USP31: variants seen among roughly 807,000 people sequenced by gnomAD.
USP31 encodes ubiquitin carboxyl-terminal hydrolase 31.
A neutral mutation model predicts 119.4 loss-of-function variants in USP31; 44 were observed. That is an observed-to-expected ratio of 0.37 (90% CI 0.29 to 0.47). The LOEUF is 0.47. Ranked by LOEUF, USP31 falls within the 20% of genes least tolerant of loss-of-function variation. The pLI is 0.99. For missense variants in USP31, 1,643 were observed against 1,730.2 expected (o/e 0.95, Z 0.89); for synonymous variants, 749 against 705.6 (o/e 1.06, Z -0.97).
intron 1 of USP31, among the ~76,000 whole-genome samples, chr16:23,144,083 C>A (rs1370050663): frequency 1.3e-5 from 2 of 152,174 alleles, no homozygotes; most frequent in African/African-American, 2.4e-5. Flanking sequence ...TAACAACCAT[C>A]TAGCCCATCC....
Position 23,067,672 on chromosome 16 carries a change from C to T in USP31, c.*374G>A, listed in dbSNP as rs1046786775. On this transcript the variant is annotated 3_prime_UTR_variant, in exon 16 of 16. Coordinates refer to ENST00000219689, the MANE Select transcript of USP31 (RefSeq NM_020718.4). ...ACGAGTCAGCTCCTTCCTCCTTCTA[C>T]GCACTAATGGTAGCTTTTCTGGTTC... is the stretch of plus-strand genomic sequence containing the variant. 6.0e-5 allele frequency: 10 copies of T among 166,656 alleles called. No homozygotes were observed. The highest frequency in any genetic ancestry group is 1.2e-4 in the African/African-American group (5 of 41,674). The allele number at this position is 166,656 out of a possible 1,614,324, so 10.3% of individuals were successfully genotyped here.
chr16:23,128,117 C>A lies in USP31; in HGVS notation c.634-19934G>T, dbSNP rs571457029. On this transcript the variant is annotated intron_variant, in intron 1 of 15. Transcript: ENST00000219689. ...CCCCGAAGCCCTGTATTGGAATAATCAATGTGAATTCATGATTTAGCTTTA... is the reference window on the plus strand; with the variant it reads ...CCCCGAAGCCCTGTATTGGAATAATAAATGTGAATTCATGATTTAGCTTTA... 2.6e-5 allele frequency among the ~76,000 whole-genome samples: 4 copies of A among 152,276 alleles called. No individual in the cohort carries two copies. The South Asian group carries it at 6.2e-4, about 24-fold the overall frequency.
intron 1 of USP31, among the ~76,000 whole-genome samples, chr16:23,147,771 T>A (rs993556971): frequency 1.2e-4 from 19 of 152,220 alleles, no homozygotes; most frequent in African/African-American, 4.6e-4. Context: ...TCTACAAAAG[T>A]GTTTTAAAAA....
chr16:23,080,221 T>C (rs755263100), intron 12 of USP31, 50 bp from the exon 13 acceptor site: 1 of 1,474,652 alleles, frequency 6.8e-7, no homozygotes, highest in Non-Finnish European at 9.1e-7. Flanking sequence ...TGCAAGCAGA[T>C]GGCAGATCAC....
chr16:23,132,226 A>G (rs1232481255), intron 1 of USP31, among the ~76,000 whole-genome samples: 3 of 152,252 alleles, frequency 2.0e-5, no homozygotes, highest in Admixed American at 1.3e-4. Flanking sequence ...ATGAACAATT[A>G]ATTAGCAGAG....
At chr16:23,134,971 T>C (rs1370305283) in intron 1 of USP31, among the ~76,000 whole-genome samples, 1 of 151,766 alleles carries the variant, frequency 6.6e-6, no homozygotes, top group African/African-American at 2.4e-5. Context: ...CTTCAAAATC[T>C]AAATAGACAT....
intron 1 of USP31, among the ~76,000 whole-genome samples, chr16:23,110,604 G>A (rs145172005): frequency 4.0e-3 from 610 of 152,266 alleles, no homozygotes; most frequent in Non-Finnish European, 6.3e-3. Context: ...ACAGGGAGCC[G>A]TAAATGAACT....
intron 1 of USP31, among the ~76,000 whole-genome samples, chr16:23,134,981 T>C (rs1903145022): frequency 6.6e-6 from 1 of 151,694 alleles, no homozygotes; most frequent in Admixed American, 6.6e-5. Flanking sequence ...TAAATAGACA[T>C]CATAACCAAA....
At chr16:23,130,710 G>A (rs558726362) in intron 1 of USP31, among the ~76,000 whole-genome samples, 1 of 152,178 alleles carries the variant, frequency 6.6e-6, no homozygotes, top group Admixed American at 6.5e-5. Context: ...TTTCCAGAAT[G>A]ACACGTAAAC....
At chr16:23,079,924 C>T (rs1369118608) in intron 13 of USP31, 22 bp downstream of exon 13, 14 of 1,568,342 alleles carry the variant, frequency 8.9e-6, no homozygotes, top group Non-Finnish European at 1.2e-5. Context: ...AGCACAGACA[C>T]GCAGCCTCTC....
In USP31 at chr16:23,068,481, G is replaced by A; in HGVS notation, c.3624C>T (p.Ser1208=). The change falls in exon 16 of 16, where the codon AGC becomes AGT. Residue 1208 remains serine (S), a synonymous_variant. Transcript: ENST00000219689. ...TCTTCAAACCAGACTTGATGCTTGT[G>A]CTGGGGGAGCGCAGGCTGGCCATGG... ...SSSMASLRSP[S]TSIKSGLKRD... 1 of 1,613,478 alleles carries A rather than the reference G, an allele frequency of 6.2e-7. No homozygotes were observed. The highest frequency in any genetic ancestry group is 8.5e-7 in the Non-Finnish European group (1 of 1,179,608).
At position 23,069,433 on chromosome 16, in the gene USP31, C is replaced by A. The variant is rs1900254444; in HGVS notation, c.2672G>T (p.Ser891Ile). ...AATCTTCTCCAAGGTGGAAGCAGAG[C>A]TGTGAATTGGCGAATCCCCTGAAAA... ...SRFSGDSPIH[S>I]SASTLEKIGE... is the part of the protein sequence containing the mutation. The change falls in exon 16 of 16, where the codon AGC becomes ATC. Residue 891 changes from serine to isoleucine, a missense_variant. Physicochemically the swap from Ser to Ile is moderately radical, Grantham distance 142. This residue lies in a region of USP31 where 699 missense variants were observed against 650.9 expected (regional missense o/e 1.07). Transcript: ENST00000219689. 1 of 1,614,184 alleles carries A rather than the reference C, an allele frequency of 6.2e-7. No homozygotes were observed. The highest frequency in any genetic ancestry group is 8.5e-7 in the Non-Finnish European group (1 of 1,180,024).
At chr16:23,123,628 A>G (rs1041104193) in intron 1 of USP31, among the ~76,000 whole-genome samples, 1 of 152,206 alleles carries the variant, frequency 6.6e-6, no homozygotes, top group African/African-American at 2.4e-5. Context: ...TCAGATGCTC[A>G]GACTCTAACT....
At chr16:23,124,616 G>A (rs943005208) in intron 1 of USP31, among the ~76,000 whole-genome samples, 22 of 152,154 alleles carry the variant, frequency 1.4e-4, no homozygotes, top group African/African-American at 4.3e-4. Context: ...CATCATGGCC[G>A]GGCATGGTGG....
chr16:23,121,362 G>A (rs961991676), intron 1 of USP31, among the ~76,000 whole-genome samples: 5 of 152,144 alleles, frequency 3.3e-5, no homozygotes, highest in African/African-American at 1.2e-4. Flanking sequence ...ACAAGAATCA[G>A]ATCTCCTAAA....
rs1900014855 is a variant in USP31 at position 23,065,173 on chromosome 16, T to C, written c.*2873A>G. The C allele has an allele frequency of 6.6e-6, 1 of 152,024 alleles. No homozygotes were observed. The highest frequency in any genetic ancestry group is 2.1e-4 in the South Asian group (1 of 4,820). The allele number at this position is 152,024 out of a possible 1,614,324, so 9.4% of individuals were successfully genotyped here. A position where few individuals can be genotyped will look rare whatever the true frequency, so the allele number is the denominator to read the frequency against. ...AACATTACAGATACAACATTACTGT[T>C]GGTGATTATTTTGTGCCTACCAGGA... On this transcript the variant is annotated 3_prime_UTR_variant, in exon 16 of 16. Coordinates refer to ENST00000219689, the MANE Select transcript of USP31 (RefSeq NM_020718.4).
At chr16:23,125,295 C>G (rs1056687805) in intron 1 of USP31, among the ~76,000 whole-genome samples, 14 of 152,176 alleles carry the variant, frequency 9.2e-5, no homozygotes, top group African/African-American at 3.1e-4. Flanking sequence ...TCACTACATT[C>G]AAAACTCATA....
At chr16:23,108,447 C>T (rs910963945) in intron 1 of USP31, among the ~76,000 whole-genome samples, 1 of 152,002 alleles carries the variant, frequency 6.6e-6, no homozygotes, top group African/African-American at 2.4e-5. Flanking sequence ...GTCAAGACTT[C>T]TAAGAAAATA....
rs375413606 is a variant in USP31, at chr16:23,139,729, G to A, written c.633+8909C>T. On this transcript the variant is annotated intron_variant, in intron 1 of 15. Transcript: ENST00000219689. Reference sequence around the variant, plus strand: ...CACCTGATTTCCAACTGTCTATTAAGGCTTCCTCTCTTAAGTGGGAAGGTC... The same window carrying A: ...CACCTGATTTCCAACTGTCTATTAAAGCTTCCTCTCTTAAGTGGGAAGGTC... Among the ~76,000 whole-genome samples the A allele has an allele frequency of 1.8e-4, 28 of 152,204 alleles. No homozygotes were observed. In the South Asian group the frequency reaches 5.2e-3, roughly 28 times the overall value.
Sources: allele counts gnomAD v4.1 joint callset (sites outside exome capture counted in the v4.1 genomes callset), GRCh38; gene constraint gnomAD v4.1.1; regional missense constraint gnomAD v4.1.1; transcripts MANE v1.5; gene names NCBI Gene and HGNC (gene_info 2026-07-23, HGNC 2026-07-21).